TNNI3K: variants seen among roughly 807,000 people sequenced by gnomAD.
The protein encoded by TNNI3K is TNNI3 interacting kinase.
A neutral mutation model predicts 114.5 loss-of-function variants in TNNI3K; 140 were observed. That is an observed-to-expected ratio of 1.22 (90% confidence interval 1.07 to 1.41). TNNI3K has a LOEUF of 1.41. TNNI3K is among the 40% of genes most tolerant of loss of function. The probability of loss-of-function intolerance (pLI) is 0.00; values close to 1 mark genes in which losing one functional copy is unlikely to be tolerated. For synonymous variants in TNNI3K, 347 were observed against 347.5 expected (o/e 1.00, Z 0.02); for missense variants, 1,125 against 1,007.6 (o/e 1.12, Z -1.58).
At chr1:74,349,274 TG>T (rs1402571744) in intron 9 of TNNI3K, among the ~76,000 whole-genome samples, 4 of 152,224 alleles carry the variant, frequency 2.6e-5, no homozygotes, top group Non-Finnish European at 4.4e-5. Context: ...GTTTATATGC[TG>T]GATTACATTT....
At chr1:74,532,477 A>G (rs537631000) in intron 23 of TNNI3K, among the ~76,000 whole-genome samples, 1 of 151,010 alleles carries the variant, frequency 6.6e-6, no homozygotes, top group East Asian at 1.9e-4. Context: ...TTTTCTTTTT[A>G]TTTTATTATT....
chr1:74,515,590 G>A (rs2100394955), intron 23 of TNNI3K, among the ~76,000 whole-genome samples: 1 of 152,276 alleles, frequency 6.6e-6, no homozygotes, highest in East Asian at 1.9e-4. Context: ...GAGATTGCAA[G>A]TAATTGAGGT....
intron 5 of TNNI3K, among the ~76,000 whole-genome samples, chr1:74,297,522 CGTGTGTGTGTGTGT>C (rs10633137): frequency 1.8e-4 from 26 of 145,460 alleles, no homozygotes; most frequent in African/African-American, 6.1e-4. Context: ...TGTGTGTGTG[CGTGTGTGTGTGTGT>C]GTGTGTGTGT....
intron 6 of TNNI3K, 61 bp from the exon 7 acceptor site, chr1:74,335,949 GC>G: frequency 6.7e-7 from 1 of 1,498,866 alleles, no homozygotes; most frequent in East Asian, 2.4e-5. Flanking sequence ...CTTGTATACT[GC>G]CAAAAGTTTT....
intron 23 of TNNI3K, among the ~76,000 whole-genome samples, chr1:74,493,168 T>C (rs557992388): frequency 6.9e-4 from 105 of 152,250 alleles, no homozygotes; most frequent in African/African-American, 2.4e-3. Context: ...GGTAAATCTA[T>C]AAAAACAAAA....
intron 17 of TNNI3K, among the ~76,000 whole-genome samples, chr1:74,390,809 A>G (rs2100567706): frequency 6.6e-6 from 1 of 152,260 alleles, no homozygotes; most frequent in African/African-American, 2.4e-5. Flanking sequence ...TTGGTTATGA[A>G]AGCCTTCTCT....
chr1:74,277,281 T>C (rs1482165362), intron 5 of TNNI3K, among the ~76,000 whole-genome samples: 1 of 152,050 alleles, frequency 6.6e-6, no homozygotes, highest in African/African-American at 2.4e-5. Context: ...GATAAATAAA[T>C]AAGCTGGATG....
Position 74,307,642 on chromosome 1 carries a change from C to T in TNNI3K, c.445-23808C>T, listed in dbSNP as rs566218471. On this transcript the variant is annotated intron_variant, in intron 5 of 24. Transcript: ENST00000326637. ...GGAGGGAGCATGCTTATTTGTAAAACAATTACTACTAGACCTAAGAAAAGA... is the reference window on the plus strand; with the variant it reads ...GGAGGGAGCATGCTTATTTGTAAAATAATTACTACTAGACCTAAGAAAAGA... 4.6e-5 allele frequency among the ~76,000 whole-genome samples: 7 copies of T among 152,212 alleles called. No homozygotes were observed. The South Asian group carries it at 1.0e-3, about 23-fold the overall frequency.
chr1:74,530,514 T>TTAAAAA (rs1245247653), intron 23 of TNNI3K, among the ~76,000 whole-genome samples: 1 of 152,184 alleles, frequency 6.6e-6, no homozygotes, highest in Non-Finnish European at 1.5e-5. Flanking sequence ...CCCACTGTCC[T>TTAAAAA]TAAAAATAAA....
intron 17 of TNNI3K, 168 bp downstream of exon 17, chr1:74,370,560 A>G: frequency 2.2e-6 from 1 of 459,112 alleles, no homozygotes; most frequent in South Asian, 5.3e-5. Flanking sequence ...TTGTCTTTTA[A>G]GGAGTAGAAA....
rs533740085 is a variant in TNNI3K at position 74,265,929 on chromosome 1, G to C, written c.334-5669G>C. ...AGGGAAAATACACACATAAATAATA[G>C]TGATTATATGGTAGTACTATGGGTT... On this transcript the variant is annotated intron_variant, in intron 4 of 24. Transcript: ENST00000326637. 2.0e-5 allele frequency among the ~76,000 whole-genome samples: 3 copies of C among 151,982 alleles called. No homozygotes were observed. In the East Asian group the frequency reaches 5.8e-4, roughly 30 times the overall value.
chr1:74,379,791 C>T (rs1389419920), intron 17 of TNNI3K, among the ~76,000 whole-genome samples: 2 of 152,084 alleles, frequency 1.3e-5, no homozygotes, highest in Non-Finnish European at 2.9e-5. Flanking sequence ...ATATTCTCCC[C>T]CCTATACTTC....
intron 24 of TNNI3K, among the ~76,000 whole-genome samples, chr1:74,540,538 T>C (rs1211017849): frequency 6.6e-6 from 1 of 151,926 alleles, no homozygotes; most frequent in Non-Finnish European, 1.5e-5. Context: ...AGTGTGTAAG[T>C]ATATGTGTGA....
chr1:74,405,636 G>T (rs1351932404), intron 17 of TNNI3K, among the ~76,000 whole-genome samples: 1 of 152,080 alleles, frequency 6.6e-6, no homozygotes. Context: ...GAACCAACTG[G>T]CACATCAGGA....
At chr1:74,543,882 A>G in intron 24 of TNNI3K, 24 bp from the exon 25 acceptor site, 5 of 1,613,374 alleles carry the variant, frequency 3.1e-6, no homozygotes, top group Non-Finnish European at 4.2e-6. Flanking sequence ...AGTAAGTAAC[A>G]ACTGAACTTC....
chr1:74,279,518 T>G (rs1036028563), intron 5 of TNNI3K, among the ~76,000 whole-genome samples: 2 of 152,156 alleles, frequency 1.3e-5, no homozygotes, highest in African/African-American at 4.8e-5. Context: ...CATATTCAAA[T>G]TTAAGAACCC....
chr1:74,357,227 G>C (rs1661709678), intron 11 of TNNI3K, among the ~76,000 whole-genome samples: 1 of 152,116 alleles, frequency 6.6e-6, no homozygotes, highest in East Asian at 1.9e-4. Context: ...CTTGATGTAA[G>C]AATGGCCCCA....
At position 74,236,176 on chromosome 1, in the gene TNNI3K, G is replaced by C. The variant is rs1469548743; in HGVS notation, c.115G>C (p.Glu39Gln). 8 of 1,607,390 alleles carry C rather than the reference G, an allele frequency of 5.0e-6. No homozygotes were observed. Among genetic ancestry groups the C allele is most frequent in the Non-Finnish European group, 6.8e-6 (8 of 1,175,666 alleles). The change falls in exon 2 of 25, where the codon GAA (glutamate) becomes CAA (glutamine). Residue 39 changes from glutamate (E) to glutamine (Q), a missense_variant. Glu to Gln is a conservative substitution (Grantham distance 29, BLOSUM62 2). Coordinates refer to ENST00000326637, the MANE Select transcript of TNNI3K (RefSeq NM_015978.3). ...ERLEDDLQIK[E>Q]KELTELRNIF... is the part of the protein sequence containing the mutation. ...ATTAGAAGATGACCTGCAGATCAAG[G>C]AAAAAGAACTGACAGAACTAAGGAA...
At chr1:74,426,898 C>G (rs1191801767) in intron 17 of TNNI3K, among the ~76,000 whole-genome samples, 3 of 151,926 alleles carry the variant, frequency 2.0e-5, no homozygotes, top group African/African-American at 4.8e-5. Flanking sequence ...ATGCTTAGAT[C>G]CTCAGTTCAG....
Sources: gnomAD v4.1 joint callset for allele counts (sites outside exome capture counted in the v4.1 genomes callset) on GRCh38, gnomAD v4.1.1 for gene constraint, MANE v1.5 for transcripts, NCBI Gene and HGNC (gene_info 2026-07-23, HGNC 2026-07-21) for gene names.